Variants in UBXN6 observed in about 807,000 individuals in gnomAD.
UBXN6 encodes UBX domain-containing protein 6.
In UBXN6, 44 loss-of-function variants were observed where a neutral mutation model predicts 51.4. The ratio of observed to expected loss-of-function variants is 0.86; its 90% CI spans 0.67 to 1.10. The LOEUF (loss-of-function observed/expected upper bound fraction) is 1.10. Ranked by LOEUF, UBXN6 falls within the 50% of genes least tolerant of loss-of-function variation. The pLI is 0.00. For synonymous variants in UBXN6, 316 were observed against 263.2 expected, an observed-to-expected ratio of 1.20 and a Z score of -1.94; for missense variants, 672 against 596.1, an observed-to-expected ratio of 1.13 and a Z score of -1.32.
chr19:4,446,243 C>A, intron 9 of UBXN6, 40 bp downstream of exon 9: 1 of 1,570,642 alleles, frequency 6.4e-7, no homozygotes, highest in Non-Finnish European at 8.6e-7. Context: ...GGGCCCCCTA[C>A]CAACCCGAGC....
At chr19:4,453,862 A>G (rs1190519723) in intron 2 of UBXN6, 68 bp downstream of exon 2, 12 of 770,940 alleles carry the variant, frequency 1.6e-5, no homozygotes, top group Non-Finnish European at 1.9e-5. Context: ...TTCTGCATCC[A>G]GGGCCAGGCA....
At chr19:4,457,524 C>A in intron 1 of UBXN6, 91 bp downstream of exon 1, 3 of 1,225,330 alleles carry the variant, frequency 2.4e-6, no homozygotes, top group East Asian at 3.7e-5. Context: ...CCCTCATCCT[C>A]TCCGATCTCC....
chr19:4,448,467 G>T, intron 4 of UBXN6, 52 bp from the exon 5 acceptor site: 1 of 1,427,242 alleles, frequency 7.0e-7, no homozygotes, highest in Non-Finnish European at 9.7e-7. Flanking sequence ...GGGCCGCACG[G>T]CCCTCCGCTG....
At position 4,446,617 on chromosome 19, in the gene UBXN6, G is replaced by C. The variant is rs1468054632; in HGVS notation, c.803C>G (p.Ala268Gly). Residue 268 changes from alanine to glycine, a missense_variant, in exon 8 of 11, where the codon GCC (alanine) becomes GGC (glycine). Transcript: ENST00000301281. ...EQLLAAEPVR[A>G]KLDRQRRVFQ... ...GACGCGGCGCTGCCTGTCCAGCTTG[G>C]CGCGCACGGGCTCCGCAGCCAGCAG... is the stretch of plus-strand genomic sequence containing the variant. 6 of 1,612,458 alleles carry C rather than the reference G, an allele frequency of 3.7e-6. No homozygotes were observed. Among genetic ancestry groups the C allele is most frequent in the African/African-American group, 2.7e-5 (2 of 74,932 alleles).
At chr19:4,446,452 T>C (rs1396687908) in intron 8 of UBXN6, 39 bp from the exon 9 acceptor site, 1 of 1,581,940 alleles carries the variant, frequency 6.3e-7, no homozygotes, top group African/African-American at 1.3e-5. Flanking sequence ...TGGCCGGGGT[T>C]CTTCCACCCC....
intron 1 of UBXN6, among the ~76,000 whole-genome samples, chr19:4,456,775 C>G (rs1006391920): frequency 1.3e-5 from 2 of 152,176 alleles, no homozygotes; most frequent in Admixed American, 1.3e-4. Flanking sequence ...AGAAGCCTCG[C>G]AGAGAAGCTC....
chr19:4,447,073 A>G lies in UBXN6; in HGVS notation c.616-153T>C, dbSNP rs1038760497. The G allele has an allele frequency of 5.8e-6, 4 of 687,012 alleles. No individual in the cohort carries two copies. In the African/African-American group the frequency reaches 7.2e-5, roughly 12 times the overall value. 42.6% of individuals were successfully genotyped at this position (687,012 alleles called of 1,614,324 possible). A position where few individuals can be genotyped will look rare whatever the true frequency, so the allele number is the denominator to read the frequency against. On this transcript the variant is annotated intron_variant, in intron 6 of 10. Transcript: ENST00000301281. Reference sequence around the variant, plus strand: ...CTGGGGGTGCCTCAGTGCTGGATGCAAACCTGCTTTTCTACGGTGGGGGCT... The same window carrying G: ...CTGGGGGTGCCTCAGTGCTGGATGCGAACCTGCTTTTCTACGGTGGGGGCT...
Position 4,452,523 on chromosome 19 carries a change from C to T in UBXN6, c.313-31G>A, listed in dbSNP as rs184581650. 2.8e-3 allele frequency: 4,468 copies of T among 1,599,066 alleles called. 13 individuals carry two copies. Among genetic ancestry groups the T allele is most frequent in the Non-Finnish European group, 3.4e-3 (3,986 of 1,174,106 alleles). On this transcript the variant is annotated intron_variant, in intron 3 of 10. Coordinates refer to ENST00000301281, the MANE Select transcript of UBXN6 (RefSeq NM_025241.3). Reference sequence around the variant, plus strand: ...GCGGTGAAAGCGTCCAAGTCTGGACCGTGGACAGAGGCCACCCCGACCCTC... The same window carrying T: ...GCGGTGAAAGCGTCCAAGTCTGGACTGTGGACAGAGGCCACCCCGACCCTC...
intron 10 of UBXN6, 145 bp downstream of exon 10, chr19:4,445,904 T>C: frequency 7.5e-7 from 1 of 1,337,776 alleles, no homozygotes; most frequent in South Asian, 1.4e-5. Context: ...TGCCAGTAAG[T>C]GGGAAAGCAG....
At chr19:4,447,025 C>T (rs1170844901) in intron 6 of UBXN6, 105 bp from the exon 7 acceptor site, 2 of 1,178,194 alleles carry the variant, frequency 1.7e-6, no homozygotes, top group Non-Finnish European at 2.4e-6. Context: ...GAGCAGCTGT[C>T]GACCCCTGGA....
intron 1 of UBXN6, among the ~76,000 whole-genome samples, 160 bp downstream of exon 1, chr19:4,457,455 G>A (rs1169053433): frequency 1.8e-5 from 2 of 108,172 alleles, no homozygotes; most frequent in Non-Finnish European, 3.7e-5. Flanking sequence ...CCCTCGGCCC[G>A]ACTTCGTCCG....
chr19:4,451,993 A>G (rs1439340448), intron 4 of UBXN6, among the ~76,000 whole-genome samples: 2 of 151,620 alleles, frequency 1.3e-5, no homozygotes, highest in Non-Finnish European at 2.9e-5. Flanking sequence ...TACTAAAAAT[A>G]CAAAAATTAG....
chr19:4,454,046 G>T lies in UBXN6; in HGVS notation c.131C>A (p.Pro44His). Residue 44 changes from proline to histidine, a missense_variant, in exon 2 of 11, where the codon CCC (proline) becomes CAC (histidine). Physicochemically the swap from Pro to His is moderately conservative, Grantham distance 77. Coordinates refer to ENST00000301281, the MANE Select transcript of UBXN6 (RefSeq NM_025241.3). ...EKPNQPAPRPPRQGPTNEAQM... is the reference protein window; with the variant it reads ...EKPNQPAPRPHRQGPTNEAQM... The stretch of plus-strand genomic sequence containing the variant: ...TGCCTCATTGGTGGGTCCCTGGCGG[G>T]GCGGCCTGGGGGCTGGCTGGTTGGG... 6.3e-7 allele frequency: 1 copy of T among 1,587,322 alleles called. No homozygotes were observed.
intron 6 of UBXN6, 50 bp from the exon 7 acceptor site, chr19:4,446,970 C>T (rs1974545748): frequency 6.4e-7 from 1 of 1,571,084 alleles, no homozygotes; most frequent in Admixed American, 1.7e-5. Flanking sequence ...CCTCCATGGC[C>T]TGGCCACACC....
At chr19:4,452,851 G>A (rs1230778588) in intron 3 of UBXN6, among the ~76,000 whole-genome samples, 4 of 152,200 alleles carry the variant, frequency 2.6e-5, no homozygotes, top group Non-Finnish European at 5.9e-5. Flanking sequence ...GGCACAGTGC[G>A]CTGGACAAGG....
chr19:4,446,303 G>T lies in UBXN6; in HGVS notation c.1031C>A (p.Pro344His). Residue 344 changes from proline to histidine, a missense_variant, in exon 9 of 11, where the codon CCC (proline) becomes CAC (histidine). Coordinates refer to ENST00000301281, the MANE Select transcript of UBXN6 (RefSeq NM_025241.3). ...YNYTLLRVRL[P>H]DGCLLQGTFY... ...CCCACCCTGCAGGAGGCAGCCATCG[G>T]GGAGGCGCACGCGCAGCAGCGTGTA... The T allele has an allele frequency of 6.4e-7, 1 of 1,572,886 alleles. No individual in the cohort carries two copies. The highest frequency in any genetic ancestry group is 2.3e-5 in the East Asian group (1 of 43,538).
At position 4,453,915 on chromosome 19, in the gene UBXN6, AG is replaced by A; in HGVS notation, c.247+14del. On this transcript the variant is annotated intron_variant, in intron 2 of 10. Coordinates refer to ENST00000301281, the MANE Select transcript of UBXN6 (RefSeq NM_025241.3). ...AAACAGCCCCAACCTGGGCCCGAGG[AG>A]GGCCATATCTCACCCTGGTTTCGGA... 1 of 1,606,810 alleles carries A rather than the reference AG, an allele frequency of 6.2e-7. No homozygotes were observed.
chr19:4,453,449 T>C lies in UBXN6; in HGVS notation c.312+9A>G. The C allele has an allele frequency of 1.9e-6, 3 of 1,612,768 alleles. No individual in the cohort carries two copies. In the South Asian group the frequency reaches 3.3e-5, roughly 18 times the overall value. Reference sequence around the variant, plus strand: ...GGCATGGGACAGTGCCACCAGTGGCTGTTCTTACCACGTTGGTCCCTGGGG... The same window carrying C: ...GGCATGGGACAGTGCCACCAGTGGCCGTTCTTACCACGTTGGTCCCTGGGG... On this transcript the variant is annotated intron_variant, in intron 3 of 10. Transcript: ENST00000301281.
At position 4,446,867 on chromosome 19, in the gene UBXN6, G is replaced by T. The variant is rs749150607; in HGVS notation, c.669C>A (p.Phe223Leu). 6.2e-7 allele frequency: 1 copy of T among 1,613,916 alleles called. No individual in the cohort carries two copies. Among genetic ancestry groups the T allele is most frequent in the African/African-American group, 1.3e-5 (1 of 74,918 alleles). ...CCTGGGCGGGAAGCAACACCTTCTGGAACCCAATGGCCTCAAAAAACTCGT... is the reference window on the plus strand; with the variant it reads ...CCTGGGCGGGAAGCAACACCTTCTGTAACCCAATGGCCTCAAAAAACTCGT... ...GTHEFFEAIG[F>L]QKVLLPAQDQ... Residue 223 changes from phenylalanine to leucine, a missense_variant, in exon 7 of 11, where the codon TTC (phenylalanine) becomes TTA (leucine). Phe to Leu is a conservative substitution (Grantham distance 22, BLOSUM62 0). Coordinates refer to ENST00000301281, the MANE Select transcript of UBXN6 (RefSeq NM_025241.3).
Sources: allele counts gnomAD v4.1 joint callset (sites outside exome capture counted in the v4.1 genomes callset), GRCh38; gene constraint gnomAD v4.1.1; transcripts MANE v1.5; gene names NCBI Gene and HGNC (gene_info 2026-07-23, HGNC 2026-07-21).